The following PARD3B variants were observed in gnomAD, a reference collection of about 807,000 sequenced individuals.
The protein encoded by PARD3B is par-3 family cell polarity regulator beta, also known as partitioning defective 3 homolog B.
Under a neutral mutation model 130.2 loss-of-function variants are expected in PARD3B, and 103 were observed. The observed-to-expected ratio is 0.79, with a 90% CI of 0.67 to 0.93. The LOEUF is 0.93. Ranked by LOEUF, PARD3B falls within the 40% of genes least tolerant of loss-of-function variation. The probability of loss-of-function intolerance (pLI) is 0.00; values close to 1 mark genes in which losing one functional copy is unlikely to be tolerated. For synonymous variants in PARD3B, 583 were observed against 553.2 expected, an observed-to-expected ratio of 1.05 and a Z score of -0.76; for missense variants, 1,609 against 1,499.2, an observed-to-expected ratio of 1.07 and a Z score of -1.21.
intron 13 of PARD3B, among the ~76,000 whole-genome samples, chr2:205,184,558 C>T (rs192377274): frequency 1.1e-3 from 173 of 152,018 alleles, no homozygotes; most frequent in African/African-American, 3.8e-3. Context: ...CTGGCTAACA[C>T]GGTGAAACCC....
chr2:204,891,190 T>C (rs146149581), intron 2 of PARD3B, among the ~76,000 whole-genome samples: 2,261 of 151,336 alleles, frequency 0.015, 59 homozygotes, highest in African/African-American at 0.052. Flanking sequence ...CCTTTTCTTT[T>C]TTTTTTTTTT....
rs540180039 is a variant in PARD3B, at chr2:205,071,010, C to A, written c.504+23320C>A. On this transcript the variant is annotated intron_variant, in intron 4 of 22. Coordinates refer to ENST00000406610, the MANE Select transcript of PARD3B (RefSeq NM_001302769.2). ...CATACTGTTAATGTAAAAAAAAAAA[C>A]CACTTAATTTGGGGTTTTAAATGGC... Among the ~76,000 whole-genome samples, 123 of 151,672 alleles carry A rather than the reference C, an allele frequency of 8.1e-4. 2 individuals carry two copies. The highest frequency in any genetic ancestry group is 3.4e-4 in the Non-Finnish European group (23 of 67,872).
At chr2:204,740,514 G>A (rs770321787) in intron 2 of PARD3B, among the ~76,000 whole-genome samples, 21 of 152,214 alleles carry the variant, frequency 1.4e-4, no homozygotes, top group Non-Finnish European at 2.6e-4. Context: ...TTTAGGCAGG[G>A]TATGGCAGGG....
At position 205,572,600 on chromosome 2, in the gene PARD3B, C is replaced by G. The variant is rs1004309302; in HGVS notation, c.3260+19197C>G. Among the ~76,000 whole-genome samples, 3 of 152,084 alleles carry G rather than the reference C, an allele frequency of 2.0e-5. No homozygotes were observed. Among genetic ancestry groups the G allele is most frequent in the Admixed American group, 2.0e-4 (3 of 15,260 alleles). On this transcript the variant is annotated intron_variant, in intron 22 of 22. Coordinates refer to ENST00000406610, the MANE Select transcript of PARD3B (RefSeq NM_001302769.2). The surrounding 1 kb of genome is among the most constrained non-coding windows in gnomAD (Gnocchi z 4.2). The stretch of plus-strand genomic sequence containing the variant: ...TCTCTACTAAAATACAAAAAATTAG[C>G]CGGGCATAGTGGTGGGCACCTGTAG...
intron 2 of PARD3B, among the ~76,000 whole-genome samples, chr2:204,902,668 CAAAAAAAAAAAAAA>C (rs5837941): frequency 1.5e-5 from 1 of 67,650 alleles, no homozygotes; most frequent in African/African-American, 5.7e-5. Flanking sequence ...GACTCTGTCT[CAAAAAAAAAAAAAA>C]AAAAAAAAAA....
At chr2:204,592,028 A>C (rs2033092467) in intron 1 of PARD3B, among the ~76,000 whole-genome samples, 1 of 152,260 alleles carries the variant, frequency 6.6e-6, no homozygotes, top group African/African-American at 2.4e-5. Context: ...ACACTTTTGT[A>C]ATCTGAAATG....
chr2:204,837,664 G>T (rs1039594512), intron 2 of PARD3B, among the ~76,000 whole-genome samples: 21 of 152,082 alleles, frequency 1.4e-4, no homozygotes, highest in African/African-American at 3.9e-4. Flanking sequence ...CAGTAAGTTT[G>T]TAAAGAGACC....
intron 2 of PARD3B, among the ~76,000 whole-genome samples, chr2:204,731,195 GT>G (rs1190787907): frequency 1.3e-5 from 2 of 152,036 alleles, no homozygotes; most frequent in Non-Finnish European, 2.9e-5. Context: ...TAATGCTTTG[GT>G]TCTTACCCAC....
At chr2:205,036,609 AAAT>A (rs1296711842) in intron 3 of PARD3B, among the ~76,000 whole-genome samples, 409 of 149,306 alleles carry the variant, frequency 2.7e-3, no homozygotes, top group Non-Finnish European at 4.3e-3. Context: ...TATGTACAAA[AAAT>A]ATATATACAC....
chr2:205,410,964 C>T (rs1167590179), intron 19 of PARD3B, among the ~76,000 whole-genome samples: 1 of 152,174 alleles, frequency 6.6e-6, no homozygotes, highest in Non-Finnish European at 1.5e-5. Context: ...GATTTACAAA[C>T]TCCAAACTTT....
At chr2:205,008,460 G>A (rs529503764) in intron 3 of PARD3B, among the ~76,000 whole-genome samples, 1 of 151,994 alleles carries the variant, frequency 6.6e-6, no homozygotes, top group Admixed American at 6.5e-5. Context: ...AAAAAAATGT[G>A]CCTTTCACTG....
At chr2:205,306,030 A>G (rs1414286660) in intron 18 of PARD3B, among the ~76,000 whole-genome samples, 1 of 152,192 alleles carries the variant, frequency 6.6e-6, no homozygotes, top group Non-Finnish European at 1.5e-5. Flanking sequence ...CAATATACCC[A>G]ATGTAATCAC....
chr2:205,196,034 T>C (rs2036663937), intron 15 of PARD3B, among the ~76,000 whole-genome samples: 1 of 152,142 alleles, frequency 6.6e-6, no homozygotes, highest in South Asian at 2.1e-4. Context: ...TAAAGGTGAG[T>C]GGCTTCCATT....
intron 2 of PARD3B, among the ~76,000 whole-genome samples, chr2:204,771,746 C>G (rs528213511): frequency 6.6e-6 from 1 of 152,214 alleles, no homozygotes; most frequent in South Asian, 2.1e-4. Context: ...CACATCCATT[C>G]ATACCTATGG....
chr2:205,037,364 TATATATAGTGGACTATTTGTATAAA>T (rs1559376811), intron 3 of PARD3B, among the ~76,000 whole-genome samples: 3 of 145,972 alleles, frequency 2.1e-5, no homozygotes, highest in Non-Finnish European at 4.5e-5. Flanking sequence ...TTGTATAAAA[TATATATAGTGGACTATTTGTATAAA>T]ATATATATAT....
chr2:204,688,574 C>A (rs2037200332), intron 2 of PARD3B, among the ~76,000 whole-genome samples: 1 of 135,268 alleles, frequency 7.4e-6, no homozygotes, highest in African/African-American at 3.0e-5. Context: ...AGCAAGACTC[C>A]ATCTAAAAAA....
At chr2:205,485,447 A>T (rs952202217) in intron 20 of PARD3B, among the ~76,000 whole-genome samples, 2 of 152,206 alleles carry the variant, frequency 1.3e-5, no homozygotes, top group African/African-American at 4.8e-5. Context: ...CAATGATTTT[A>T]TCAACCATTT....
intron 1 of PARD3B, among the ~76,000 whole-genome samples, chr2:204,608,418 C>T (rs1290014115): frequency 3.9e-5 from 6 of 152,248 alleles, no homozygotes; most frequent in African/African-American, 4.8e-5. Context: ...GGTGGCTGTG[C>T]ATCTCCATGG....
chr2:204,839,876 G>A (rs1052372261), intron 2 of PARD3B, among the ~76,000 whole-genome samples: 1 of 152,118 alleles, frequency 6.6e-6, no homozygotes, highest in South Asian at 2.1e-4. Context: ...TGTCTGTAAG[G>A]CTAGGTTTCT....
Sources: gnomAD v4.1 joint callset for allele counts (sites outside exome capture counted in the v4.1 genomes callset) on GRCh38, gnomAD v4.1.1 for gene constraint, Gnocchi (gnomAD v3.1) non-coding constraint, MANE v1.5 for transcripts, NCBI Gene and HGNC (gene_info 2026-07-23, HGNC 2026-07-21) for gene names.